The following C1D variants were observed in gnomAD, a reference collection of about 807,000 sequenced individuals.
The protein encoded by C1D is C1D nuclear receptor corepressor.
Under a neutral mutation model 17.5 loss-of-function variants are expected in C1D, and 10 were observed. The observed-to-expected ratio is 0.57, with a 90% CI of 0.35 to 0.97. C1D has a LOEUF of 0.97. C1D is among the 50% of genes least tolerant of loss of function. The pLI is 0.01. For missense variants in C1D, 136 were observed against 160.1 expected, an observed-to-expected ratio of 0.85 and a Z score of 0.81; for synonymous variants, 49 against 54.0, an observed-to-expected ratio of 0.91 and a Z score of 0.40.
chr2:68,059,136 G>C (rs979238960), intron 1 of C1D, among the ~76,000 whole-genome samples: 1 of 152,192 alleles, frequency 6.6e-6, no homozygotes, highest in Non-Finnish European at 1.5e-5. Flanking sequence ...GGGGGAGCAG[G>C]CATGTGACAG....
At chr2:68,055,353 T>C (rs1411592447) in intron 1 of C1D, among the ~76,000 whole-genome samples, 6 of 152,036 alleles carry the variant, frequency 3.9e-5, no homozygotes, top group Non-Finnish European at 2.9e-5. Context: ...TTCCATTTTA[T>C]AGGAAATCCA....
rs149632837 is a variant in C1D, at chr2:68,041,962, T to C, written c.*927A>G. The C allele has an allele frequency of 6.6e-6, 1 of 152,146 alleles. No homozygotes were observed. Among genetic ancestry groups the C allele is most frequent in the East Asian group, 1.9e-4 (1 of 5,184 alleles). The allele number at this position is 152,146 out of a possible 1,614,324, so 9.4% of individuals were successfully genotyped here. ...AACACAGTGTAATCTCCTTTGGACT[T>C]CTCATCTGCTTAAGTGGCATTAGGT... is the stretch of plus-strand genomic sequence containing the variant. On this transcript the variant is annotated 3_prime_UTR_variant, in exon 5 of 5. Transcript: ENST00000410067.
In C1D at chr2:68,042,534, T is replaced by TGG; in HGVS notation, c.*354_*355insCC. ...TTCAGCCTACAGATAGCATACTTCA[T>TGG]AAGGTCATTATTCATTTAAAATAGT... On this transcript the variant is annotated 3_prime_UTR_variant, in exon 5 of 5. Coordinates refer to ENST00000410067, the MANE Select transcript of C1D (RefSeq NM_173177.3). The TGG allele has an allele frequency of 6.0e-6, 1 of 165,542 alleles. No individual in the cohort carries two copies. The highest frequency in any genetic ancestry group is 1.8e-4 in the East Asian group (1 of 5,476). The allele number at this position is 165,542 out of a possible 1,614,324, so 10.3% of individuals were successfully genotyped here. A position where few individuals can be genotyped will look rare whatever the true frequency, so the allele number is the denominator to read the frequency against.
chr2:68,045,525 T>C (rs1671094855), intron 4 of C1D, among the ~76,000 whole-genome samples: 1 of 152,136 alleles, frequency 6.6e-6, no homozygotes, highest in Non-Finnish European at 1.5e-5. Context: ...ACAGTACACA[T>C]ACAGCTGGTG....
intron 1 of C1D, among the ~76,000 whole-genome samples, chr2:68,048,221 T>A (rs1671188074): frequency 6.6e-6 from 1 of 152,230 alleles, no homozygotes; most frequent in Non-Finnish European, 1.5e-5. Context: ...TATTAAAGTA[T>A]CTAAGTCCAA....
chr2:68,058,701 C>T (rs1462763917), intron 1 of C1D, among the ~76,000 whole-genome samples: 1 of 152,132 alleles, frequency 6.6e-6, no homozygotes, highest in Non-Finnish European at 1.5e-5. Flanking sequence ...TTTGTTCCTC[C>T]CTGAAAATCT....
At position 68,047,194 on chromosome 2, in the gene C1D, A is replaced by G; in HGVS notation, c.117T>C (p.Ser39=). ...DEMLKTMMSV[S]RNELLQKLDP... ...ATACCTTCTGCAACAACTCATTTCTAGAAACAGACATCATGGTCTTCAGCA... is the reference window on the plus strand; with the variant it reads ...ATACCTTCTGCAACAACTCATTTCTGGAAACAGACATCATGGTCTTCAGCA... The change falls in exon 2 of 5, where the codon TCT becomes TCC. Residue 39 remains serine (S), a synonymous_variant. Coordinates refer to ENST00000410067, the MANE Select transcript of C1D (RefSeq NM_173177.3). The G allele has an allele frequency of 6.2e-7, 1 of 1,606,360 alleles. No individual in the cohort carries two copies. The highest frequency in any genetic ancestry group is 1.1e-5 in the South Asian group (1 of 89,056).
At chr2:68,056,856 C>T (rs889015364) in intron 1 of C1D, among the ~76,000 whole-genome samples, 4 of 152,194 alleles carry the variant, frequency 2.6e-5, no homozygotes, top group Non-Finnish European at 5.9e-5. Context: ...GTAATCTGCA[C>T]TATGCTTCAA....
rs369727827 is a variant in C1D at position 68,052,484 on chromosome 2, T to C, written c.-9-5165A>G. 5.9e-5 allele frequency among the ~76,000 whole-genome samples: 9 copies of C among 152,338 alleles called. No individual in the cohort carries two copies. The South Asian group carries it at 8.3e-4, about 14-fold the overall frequency. ...AAGGTCTTTATTTAAATGTGAATTT[T>C]TTCATCAAATTTTCCTACGAGAAAA... On this transcript the variant is annotated intron_variant, in intron 1 of 4. Transcript: ENST00000410067.
chr2:68,044,670 T>C (rs1248335848), intron 4 of C1D, among the ~76,000 whole-genome samples: 1 of 151,630 alleles, frequency 6.6e-6, no homozygotes, highest in Non-Finnish European at 1.5e-5. Flanking sequence ...ATCACGACAC[T>C]GCACTCCAGC....
At chr2:68,057,537 A>C in intron 1 of C1D, among the ~76,000 whole-genome samples, 1 of 152,226 alleles carries the variant, frequency 6.6e-6, no homozygotes. Context: ...GTTTTCTTAA[A>C]GGATCCAAAA....
At position 68,055,032 on chromosome 2, in the gene C1D, T is replaced by C. The variant is rs560462739; in HGVS notation, c.-9-7713A>G. On this transcript the variant is annotated intron_variant, in intron 1 of 4. Transcript: ENST00000410067. Reference sequence around the variant, plus strand: ...AGATGCATTCCTAGCATCAAAAATATTGTTGCTCTGACAATACTTTCCCAC... The same window carrying C: ...AGATGCATTCCTAGCATCAAAAATACTGTTGCTCTGACAATACTTTCCCAC... Among the ~76,000 whole-genome samples, 103 of 151,344 alleles carry C rather than the reference T, an allele frequency of 6.8e-4. 3 individuals are homozygous for C. The highest frequency in any genetic ancestry group is 5.5e-3 in the Admixed American group (83 of 15,216).
intron 1 of C1D, 57 bp from the exon 2 acceptor site, chr2:68,047,376 TC>T: frequency 7.1e-7 from 1 of 1,400,012 alleles, no homozygotes; most frequent in Non-Finnish European, 9.6e-7. Flanking sequence ...TTCTTTAGTT[TC>T]CAAAAAAAAA....
intron 1 of C1D, among the ~76,000 whole-genome samples, chr2:68,054,185 G>A (rs1671370493): frequency 6.6e-6 from 1 of 152,110 alleles, no homozygotes; most frequent in African/African-American, 2.4e-5. Context: ...TTTCTCAGAA[G>A]TCCCAGTTTG....
At chr2:68,050,507 A>T (rs1280282678) in intron 1 of C1D, among the ~76,000 whole-genome samples, 1 of 152,136 alleles carries the variant, frequency 6.6e-6, no homozygotes, top group East Asian at 1.9e-4. Flanking sequence ...CACATGGTTA[A>T]ATTCAATGGT....
intron 1 of C1D, among the ~76,000 whole-genome samples, chr2:68,055,167 C>T (rs989943873): frequency 2.6e-5 from 4 of 152,008 alleles, no homozygotes; most frequent in Non-Finnish European, 4.4e-5. Context: ...GACTTTGCAA[C>T]GCCTAATGAA....
intron 1 of C1D, among the ~76,000 whole-genome samples, chr2:68,055,125 G>A (rs556294701): frequency 7.2e-4 from 110 of 152,184 alleles, no homozygotes; most frequent in African/African-American, 1.8e-3. Context: ...GCTAACAAAT[G>A]TAGAAGAAAT....
intron 1 of C1D, among the ~76,000 whole-genome samples, chr2:68,056,201 C>T (rs1375344303): frequency 6.6e-6 from 1 of 152,206 alleles, no homozygotes; most frequent in Admixed American, 6.5e-5. Flanking sequence ...CAGCTCAACG[C>T]AACCTCTGCC....
intron 1 of C1D, among the ~76,000 whole-genome samples, chr2:68,051,070 C>T (rs968014868): frequency 6.6e-6 from 1 of 152,222 alleles, no homozygotes; most frequent in Non-Finnish European, 1.5e-5. Context: ...CTGGTCCAAA[C>T]CATGCCTGAA....
Sources: gnomAD v4.1 joint callset for allele counts (sites outside exome capture counted in the v4.1 genomes callset) on GRCh38, gnomAD v4.1.1 for gene constraint, MANE v1.5 for transcripts, NCBI Gene and HGNC (gene_info 2026-07-23, HGNC 2026-07-21) for gene names.